EYS: variants seen among roughly 807,000 people sequenced by gnomAD.
EYS encodes EGF-like photoreceptor maintenance factor.
A neutral mutation model predicts 282.1 loss-of-function variants in EYS; 250 were observed. The ratio of observed to expected loss-of-function variants is 0.89; its 90% confidence interval spans 0.80 to 0.98. EYS has a LOEUF of 0.98. Among genes scored for constraint, EYS ranks in the 50% least tolerant of loss-of-function variants. The probability of loss-of-function intolerance (pLI) is 0.00; values close to 1 mark genes in which losing one functional copy is unlikely to be tolerated. For synonymous variants in EYS, 1,355 were observed against 1,282.9 expected (o/e 1.06, Z -1.20); for missense variants, 4,016 against 3,709.0 (o/e 1.08, Z -2.15).
intron 14 of EYS, among the ~76,000 whole-genome samples, chr6:64,991,638 T>C (rs1771067621): frequency 6.6e-6 from 1 of 151,666 alleles, no homozygotes; most frequent in Non-Finnish European, 1.5e-5. Flanking sequence ...ATTACAATAG[T>C]GTGGAGAAAA....
chr6:64,110,468 T>C (rs939001910), intron 31 of EYS, among the ~76,000 whole-genome samples: 3 of 151,960 alleles, frequency 2.0e-5, no homozygotes, highest in Non-Finnish European at 4.4e-5. Context: ...CAGTTTTGAA[T>C]ATTAACTTTG....
In EYS at chr6:65,477,444, C is replaced by A. The variant is rs370343773; in HGVS notation, c.862+13150G>T. On this transcript the variant is annotated intron_variant, in intron 5 of 42. Transcript: ENST00000503581. ...CAGAAATTACTTAATATAGGAAAAACGTCAGTCATTTTTCAGGCAGTCATG... is the reference window on the plus strand; with the variant it reads ...CAGAAATTACTTAATATAGGAAAAAAGTCAGTCATTTTTCAGGCAGTCATG... Among the ~76,000 whole-genome samples the A allele has an allele frequency of 1.6e-4, 24 of 152,214 alleles. No individual in the cohort carries two copies. The East Asian group carries it at 4.5e-3, about 28-fold the overall frequency.
chr6:65,075,987 A>C (rs977848085), intron 12 of EYS, among the ~76,000 whole-genome samples: 2 of 152,064 alleles, frequency 1.3e-5, no homozygotes, highest in Admixed American at 6.6e-5. Context: ...GCAAGCATTA[A>C]AACAGTAAAT....
intron 35 of EYS, among the ~76,000 whole-genome samples, chr6:63,943,076 A>G (rs1348148810): frequency 6.6e-6 from 1 of 152,208 alleles, no homozygotes; most frequent in Non-Finnish European, 1.5e-5. Flanking sequence ...ACAGTAAGCT[A>G]TTAGTAGTTA....
rs144489713 is a variant in EYS at position 64,607,061 on chromosome 6, C to T, written c.3684+10357G>A. Among the ~76,000 whole-genome samples, 92 of 151,816 alleles carry T rather than the reference C, an allele frequency of 6.1e-4. 2 individuals carry two copies. Among genetic ancestry groups the T allele is most frequent in the Middle Eastern group, 3.4e-3 (1 of 292 alleles). ...TTCTGTATGAATAAAAAAAAAGACTCCTAAGCCAAAAGAGAAGTATAAAAC... is the reference window on the plus strand; with the variant it reads ...TTCTGTATGAATAAAAAAAAAGACTTCTAAGCCAAAAGAGAAGTATAAAAC... On this transcript the variant is annotated intron_variant, in intron 24 of 42. Transcript: ENST00000503581.
chr6:64,994,632 T>G (rs1304391478), intron 14 of EYS, among the ~76,000 whole-genome samples: 8 of 152,112 alleles, frequency 5.3e-5, no homozygotes, highest in Non-Finnish European at 2.9e-5. Flanking sequence ...TTCAAATCCT[T>G]CACATTTTAT....
At chr6:65,226,464 C>A in intron 12 of EYS, among the ~76,000 whole-genome samples, 1 of 152,018 alleles carries the variant, frequency 6.6e-6, no homozygotes, top group African/African-American at 2.4e-5. Flanking sequence ...TAAAAATGGA[C>A]AAGGGACTTG....
intron 5 of EYS, among the ~76,000 whole-genome samples, chr6:65,437,162 T>C (rs1375570050): frequency 6.6e-6 from 1 of 152,172 alleles, no homozygotes; most frequent in East Asian, 1.9e-4. Context: ...ACTGAATTTA[T>C]GCAACTCTGC....
chr6:64,326,062 G>C (rs1770408638), intron 29 of EYS, among the ~76,000 whole-genome samples: 1 of 152,092 alleles, frequency 6.6e-6, no homozygotes, highest in South Asian at 2.1e-4. Flanking sequence ...AGGAACACCT[G>C]GGAAATTCAT....
intron 35 of EYS, among the ~76,000 whole-genome samples, chr6:63,936,651 TC>T (rs1429742107): frequency 5.9e-5 from 9 of 152,232 alleles, no homozygotes; most frequent in African/African-American, 2.2e-4. Context: ...CTTCTGTTTA[TC>T]CATCTAACTG....
intron 41 of EYS, among the ~76,000 whole-genome samples, chr6:63,742,136 T>A (rs1305444513): frequency 6.6e-6 from 1 of 152,190 alleles, no homozygotes; most frequent in Non-Finnish European, 1.5e-5. Flanking sequence ...GGCTGATGCT[T>A]CTTGGCAGAC....
chr6:64,387,718 T>C (rs192620167), intron 29 of EYS, among the ~76,000 whole-genome samples: 19 of 152,258 alleles, frequency 1.2e-4, no homozygotes, highest in Admixed American at 1.1e-3. Context: ...AAGTCACAAA[T>C]ATCTGTTTAA....
At chr6:64,485,473 T>C (rs568169096) in intron 26 of EYS, among the ~76,000 whole-genome samples, 86 of 151,678 alleles carry the variant, frequency 5.7e-4, no homozygotes, top group African/African-American at 1.9e-3. Context: ...TTTTGCTCAA[T>C]AGGCAACAAC....
At chr6:65,670,768 T>C (rs980737660) in intron 1 of EYS, among the ~76,000 whole-genome samples, 13 of 152,048 alleles carry the variant, frequency 8.5e-5, no homozygotes, top group African/African-American at 3.1e-4. Flanking sequence ...CCCTCGACAC[T>C]AGAATATTTT....
intron 1 of EYS, among the ~76,000 whole-genome samples, chr6:65,654,450 A>G (rs763166758): frequency 6.6e-6 from 1 of 151,860 alleles, no homozygotes; most frequent in Admixed American, 6.6e-5. Context: ...TAAATGGACC[A>G]TTATCTTATT....
chr6:64,761,600 G>A (rs1583127150), intron 22 of EYS, among the ~76,000 whole-genome samples: 1 of 152,238 alleles, frequency 6.6e-6, no homozygotes, highest in Non-Finnish European at 1.5e-5. Context: ...GGGACTACTG[G>A]CGCATGCCAC....
chr6:65,532,373 A>G (rs1043260736), intron 2 of EYS, among the ~76,000 whole-genome samples: 2 of 152,136 alleles, frequency 1.3e-5, no homozygotes, highest in Non-Finnish European at 2.9e-5. Flanking sequence ...TTTGATATCC[A>G]TATTATGGTA....
intron 36 of EYS, among the ~76,000 whole-genome samples, chr6:63,828,118 A>G (rs966642502): frequency 3.9e-5 from 6 of 152,152 alleles, no homozygotes; most frequent in Non-Finnish European, 8.8e-5. Context: ...CATAGCCCTA[A>G]ACACCTACAT....
intron 2 of EYS, among the ~76,000 whole-genome samples, chr6:65,582,825 T>C (rs933549122): frequency 1.3e-5 from 2 of 152,144 alleles, no homozygotes; most frequent in Non-Finnish European, 2.9e-5. Flanking sequence ...CTAAGAAATG[T>C]TATAATTATC....
Sources: gnomAD v4.1 joint callset for allele counts (sites outside exome capture counted in the v4.1 genomes callset) on GRCh38, gnomAD v4.1.1 for gene constraint, MANE v1.5 for transcripts, NCBI Gene and HGNC (gene_info 2026-07-23, HGNC 2026-07-21) for gene names.